Variants in CDH13 observed in about 807,000 individuals in gnomAD.
CDH13 encodes cadherin 13, also known as cadherin-13.
In CDH13, 24 loss-of-function variants were observed where a neutral mutation model predicts 63.8. The observed-to-expected ratio is 0.38, with a 90% confidence interval of 0.27 to 0.53. The LOEUF (loss-of-function observed/expected upper bound fraction) is 0.53. Ranked by LOEUF, CDH13 falls within the 20% of genes least tolerant of loss-of-function variation. CDH13 has a pLI of 0.85. For missense variants in CDH13, 1,049 were observed against 903.1 expected, an observed-to-expected ratio of 1.16 and a Z score of -2.07; for synonymous variants, 503 against 355.3, an observed-to-expected ratio of 1.42 and a Z score of -4.67.
At chr16:83,335,403 C>CAT (rs386385259) in intron 5 of CDH13, among the ~76,000 whole-genome samples, 2 of 151,852 alleles carry the variant, frequency 1.3e-5, no homozygotes, top group Non-Finnish European at 2.9e-5. Flanking sequence ...AACACACACA[C>CAT]ACACAGTTCC....
At chr16:82,979,652 G>C (rs1158925463) in intron 2 of CDH13, among the ~76,000 whole-genome samples, 4 of 152,152 alleles carry the variant, frequency 2.6e-5, no homozygotes, top group Admixed American at 6.5e-5. Flanking sequence ...AAGCCGTGCA[G>C]AATTGTGAGT....
intron 11 of CDH13, among the ~76,000 whole-genome samples, chr16:83,769,398 A>T (rs898017734): frequency 5.9e-5 from 9 of 152,214 alleles, no homozygotes; most frequent in Non-Finnish European, 8.8e-5. Flanking sequence ...TTAGCCACTC[A>T]CTGCAGCAGA....
intron 10 of CDH13, among the ~76,000 whole-genome samples, chr16:83,720,054 T>C (rs1909483302): frequency 6.6e-6 from 1 of 152,152 alleles, no homozygotes; most frequent in Non-Finnish European, 1.5e-5. Flanking sequence ...GGCGGGTTGG[T>C]GAAGATGGCA....
intron 7 of CDH13, among the ~76,000 whole-genome samples, chr16:83,505,432 T>A (rs1245537930): frequency 1.3e-5 from 2 of 151,392 alleles, no homozygotes; most frequent in African/African-American, 2.4e-5. Flanking sequence ...AATGAATTCA[T>A]GGGAAACAGC....
At chr16:83,219,627 A>G (rs996835618) in intron 5 of CDH13, among the ~76,000 whole-genome samples, 4 of 152,224 alleles carry the variant, frequency 2.6e-5, no homozygotes, top group African/African-American at 9.6e-5. Flanking sequence ...GAAAACCCAA[A>G]GGATTCCAAG....
chr16:83,032,661 G>T (rs984349827), intron 3 of CDH13, among the ~76,000 whole-genome samples: 1 of 152,070 alleles, frequency 6.6e-6, no homozygotes, highest in Non-Finnish European at 1.5e-5. Flanking sequence ...CAAAACCTTG[G>T]AATTCAGTCT....
At chr16:83,491,710 G>C (rs1417853514) in intron 7 of CDH13, among the ~76,000 whole-genome samples, 1 of 151,826 alleles carries the variant, frequency 6.6e-6, no homozygotes, top group African/African-American at 2.4e-5. Context: ...GTTTGAATTT[G>C]CCTTTACCTT....
rs1418494140 is a variant in CDH13, at chr16:83,102,955, T to C, written c.367-22430T>C. The stretch of plus-strand genomic sequence containing the variant: ...CTTTTTTTTTTTCTTTTTCTTTTTT[T>C]TTTTTTTTTTTTTTTGAGGTGGAGT... On this transcript the variant is annotated intron_variant, in intron 3 of 13. Coordinates refer to ENST00000567109, the MANE Select transcript of CDH13 (RefSeq NM_001257.5). Among the ~76,000 whole-genome samples the C allele has an allele frequency of 4.0e-3, 473 of 117,146 alleles. 12 individuals carry two copies. Among genetic ancestry groups the C allele is most frequent in the Non-Finnish European group, 6.9e-3 (380 of 54,964 alleles). The allele number at this position is 117,146 out of a possible 152,430, so 76.9% of individuals were successfully genotyped here.
At chr16:83,677,845 G>A (rs1231941989) in intron 9 of CDH13, among the ~76,000 whole-genome samples, 1 of 152,012 alleles carries the variant, frequency 6.6e-6, no homozygotes, top group Non-Finnish European at 1.5e-5. Context: ...CCATTGCCAG[G>A]GAGTTGCCTA....
intron 1 of CDH13, among the ~76,000 whole-genome samples, chr16:82,796,445 C>T (rs1035088973): frequency 5.9e-5 from 9 of 152,182 alleles, no homozygotes; most frequent in African/African-American, 2.2e-4. Flanking sequence ...CTGTTCTGGG[C>T]CATGCACTCT....
chr16:83,309,682 T>A (rs1453347376), intron 5 of CDH13, among the ~76,000 whole-genome samples: 1 of 152,198 alleles, frequency 6.6e-6, no homozygotes, highest in Non-Finnish European at 1.5e-5. Flanking sequence ...GCCCCCTCCT[T>A]CTGAAACTTG....
chr16:82,810,255 G>C (rs1263256644), intron 1 of CDH13, among the ~76,000 whole-genome samples: 1 of 152,154 alleles, frequency 6.6e-6, no homozygotes, highest in Non-Finnish European at 1.5e-5. Flanking sequence ...AGATAGAATG[G>C]GTGAGGACCT....
chr16:83,323,865 G>A (rs2090296528), intron 5 of CDH13, among the ~76,000 whole-genome samples: 1 of 152,060 alleles, frequency 6.6e-6, no homozygotes, highest in African/African-American at 2.4e-5. Flanking sequence ...TCAAATCTGA[G>A]ATAGTTATTT....
At position 82,644,253 on chromosome 16, in the gene CDH13, G is replaced by C. The variant is rs1909793268; in HGVS notation, c.45+17116G>C. On this transcript the variant is annotated intron_variant, in intron 1 of 13. Transcript: ENST00000567109. The surrounding 1 kb of genome is among the most constrained non-coding windows in gnomAD (Gnocchi z 5.7). ...AATGAGAAGTCAATCTAAGGTCTAA[G>C]GCTGGGAAAGGAGCTCCCACTTCTT... Among the ~76,000 whole-genome samples the C allele has an allele frequency of 6.6e-6, 1 of 152,116 alleles. No homozygotes were observed. Among genetic ancestry groups the C allele is most frequent in the Non-Finnish European group, 1.5e-5 (1 of 68,024 alleles).
intron 2 of CDH13, chr16:82,954,713 C>T (rs952024148): frequency 2.0e-5 from 3 of 151,048 alleles, no homozygotes; most frequent in Admixed American, 6.6e-5. Flanking sequence ...GTGCAACCGT[C>T]GCCACAATGA....
intron 5 of CDH13, among the ~76,000 whole-genome samples, chr16:83,257,511 G>C (rs1204317971): frequency 6.6e-6 from 1 of 152,126 alleles, no homozygotes; most frequent in Admixed American, 6.5e-5. Context: ...GTTTACAAAA[G>C]AAAATGTCTC....
At chr16:83,265,303 C>T (rs1162117902) in intron 5 of CDH13, among the ~76,000 whole-genome samples, 1 of 152,150 alleles carries the variant, frequency 6.6e-6, no homozygotes, top group East Asian at 1.9e-4. Context: ...TTCTCTTTTT[C>T]CTTCCTGGTT....
intron 3 of CDH13, among the ~76,000 whole-genome samples, chr16:83,041,789 T>C (rs1243234491): frequency 6.6e-6 from 1 of 152,220 alleles, no homozygotes; most frequent in East Asian, 1.9e-4. Flanking sequence ...GGTTCAGTTT[T>C]CTCATCTGTA....
rs532095739 is a variant in CDH13, at chr16:83,025,376, G to T, written c.158-6634G>T. Among the ~76,000 whole-genome samples, 289 of 152,278 alleles carry T rather than the reference G, an allele frequency of 1.9e-3. 1 individual carries two copies. The highest frequency in any genetic ancestry group is 0.017 in the Middle Eastern group (5 of 294). ...AATTGACTCACAGTTCAGCATGGCT[G>T]GGGAGGCCTCAGGAAACTTACAATC... On this transcript the variant is annotated intron_variant, in intron 2 of 13. Transcript: ENST00000567109.
Sources: gnomAD v4.1 joint callset for allele counts (sites outside exome capture counted in the v4.1 genomes callset) on GRCh38, gnomAD v4.1.1 for gene constraint, Gnocchi (gnomAD v3.1) non-coding constraint, MANE v1.5 for transcripts, NCBI Gene and HGNC (gene_info 2026-07-23, HGNC 2026-07-21) for gene names.